MINDY3: variants seen among roughly 807,000 people sequenced by gnomAD.
The protein encoded by MINDY3 is MINDY lysine 48 deubiquitinase 3.
Under a neutral mutation model 69.2 loss-of-function variants are expected in MINDY3, and 38 were observed. The observed-to-expected ratio is 0.55, with a 90% CI of 0.42 to 0.72. The LOEUF (loss-of-function observed/expected upper bound fraction) is 0.72. Ranked by LOEUF, MINDY3 falls within the 30% of genes least tolerant of loss-of-function variation. MINDY3 has a pLI of 0.00. For missense variants in MINDY3, 522 were observed against 519.0 expected (o/e 1.01, Z -0.06); for synonymous variants, 192 against 180.1 (o/e 1.07, Z -0.53).
intron 2 of MINDY3, among the ~76,000 whole-genome samples, chr10:15,846,904 T>C (rs1833888130): frequency 6.6e-6 from 1 of 152,086 alleles, no homozygotes; most frequent in South Asian, 2.1e-4. Context: ...TTTGTATTTT[T>C]AGTAGAGACG....
intron 7 of MINDY3, 152 bp downstream of exon 7, chr10:15,834,391 A>G: frequency 2.2e-6 from 1 of 445,686 alleles, no homozygotes; most frequent in African/African-American, 2.0e-5. Context: ...CAAGCAAACA[A>G]TGCATAATAC....
At position 15,779,703 on chromosome 10, in the gene MINDY3, G is replaced by A. The variant is rs1588489283; in HGVS notation, c.1189-562C>T. Among the ~76,000 whole-genome samples the A allele has an allele frequency of 2.0e-5, 3 of 152,118 alleles. No individual in the cohort carries two copies. The East Asian group carries it at 5.8e-4, about 29-fold the overall frequency. On this transcript the variant is annotated intron_variant, in intron 14 of 14. Coordinates refer to ENST00000277632, the MANE Select transcript of MINDY3 (RefSeq NM_024948.4). ...TATTCCTGAAATGCAATTCATGAGT[G>A]CATTCTGTACAGCATGAAAAATCAT...
intron 8 of MINDY3, among the ~76,000 whole-genome samples, chr10:15,827,326 G>A (rs1030329219): frequency 1.3e-5 from 2 of 152,006 alleles, no homozygotes; most frequent in African/African-American, 4.8e-5. Flanking sequence ...CGGATCACCT[G>A]AGGTTGGGAG....
intron 14 of MINDY3, 113 bp downstream of exon 14, chr10:15,782,042 G>A (rs1001356045): frequency 6.4e-6 from 5 of 781,666 alleles, no homozygotes; most frequent in Non-Finnish European, 1.1e-5. Flanking sequence ...ATAGTAAAGA[G>A]ACTCCTGGAA....
chr10:15,837,115 C>A, intron 6 of MINDY3, 89 bp downstream of exon 6: 1 of 670,598 alleles, frequency 1.5e-6, no homozygotes, highest in Middle Eastern at 2.6e-4. Context: ...TTTAAAAACA[C>A]CATCAGGAAT....
intron 6 of MINDY3, 101 bp from the exon 7 acceptor site, chr10:15,834,717 T>A: frequency 1.4e-6 from 1 of 702,298 alleles, no homozygotes; most frequent in Non-Finnish European, 2.4e-6. Flanking sequence ...TACAATTATT[T>A]AAGTAACTTT....
intron 1 of MINDY3, among the ~76,000 whole-genome samples, chr10:15,855,335 C>G (rs1022679965): frequency 2.0e-5 from 3 of 152,066 alleles, no homozygotes; most frequent in Admixed American, 2.0e-4. Flanking sequence ...GTAGACTTCT[C>G]TTTTCATAAT....
At chr10:15,855,075 T>C (rs1207257786) in intron 1 of MINDY3, among the ~76,000 whole-genome samples, 1 of 152,136 alleles carries the variant, frequency 6.6e-6, no homozygotes, top group African/African-American at 2.4e-5. Context: ...ATTTAAATCA[T>C]GTAACTCAAT....
At chr10:15,785,476 G>C (rs1420845825) in intron 13 of MINDY3, among the ~76,000 whole-genome samples, 6 of 152,062 alleles carry the variant, frequency 3.9e-5, no homozygotes, top group African/African-American at 1.4e-4. Context: ...TCCGATAGCA[G>C]CCTTGAAATA....
At chr10:15,846,616 T>C (rs1296817351) in intron 2 of MINDY3, among the ~76,000 whole-genome samples, 1 of 152,210 alleles carries the variant, frequency 6.6e-6, no homozygotes, top group Non-Finnish European at 1.5e-5. Flanking sequence ...ACCATAATTT[T>C]TCTTCCTCTA....
intron 1 of MINDY3, among the ~76,000 whole-genome samples, chr10:15,853,804 T>G (rs1834488137): frequency 6.6e-6 from 1 of 151,948 alleles, no homozygotes. Context: ...TATTCAGACT[T>G]GAGTATCTGG....
At chr10:15,795,868 G>A (rs1837782169) in intron 11 of MINDY3, among the ~76,000 whole-genome samples, 1 of 151,878 alleles carries the variant, frequency 6.6e-6, no homozygotes, top group Non-Finnish European at 1.5e-5. Flanking sequence ...TTAATCAGAG[G>A]GGTCAACTAC....
At chr10:15,850,490 G>C (rs987060516) in intron 1 of MINDY3, among the ~76,000 whole-genome samples, 5 of 152,146 alleles carry the variant, frequency 3.3e-5, no homozygotes, top group Admixed American at 6.5e-5. Context: ...GCATTCTCAG[G>C]GGGGAGGTCT....
At chr10:15,781,741 G>A (rs1448347207) in intron 14 of MINDY3, among the ~76,000 whole-genome samples, 2 of 151,994 alleles carry the variant, frequency 1.3e-5, no homozygotes, top group African/African-American at 4.8e-5. Context: ...ATACAATTTC[G>A]GGTAAATGCT....
chr10:15,779,379 G>C (rs1022000463), intron 14 of MINDY3, among the ~76,000 whole-genome samples: 1 of 152,040 alleles, frequency 6.6e-6, no homozygotes, highest in Non-Finnish European at 1.5e-5. Context: ...AAAAATTCAA[G>C]ATCATGTGAA....
chr10:15,837,403 C>T, intron 5 of MINDY3, 85 bp from the exon 6 acceptor site: 1 of 1,233,944 alleles, frequency 8.1e-7, no homozygotes, highest in Non-Finnish European at 1.1e-6. Context: ...TTTTCTTATA[C>T]ATTAAAACAT....
intron 9 of MINDY3, among the ~76,000 whole-genome samples, chr10:15,819,963 C>T (rs1461514952): frequency 6.6e-6 from 1 of 152,102 alleles, no homozygotes; most frequent in East Asian, 1.9e-4. Flanking sequence ...GTGAATACGT[C>T]CATTCATTCA....
chr10:15,837,882 T>C (rs1275681102), intron 5 of MINDY3: 3 of 941,226 alleles, frequency 3.2e-6, no homozygotes, highest in Non-Finnish European at 1.3e-6. Context: ...AGAAAACAGA[T>C]ACTGGCAAAT....
In MINDY3 at chr10:15,846,131, T is replaced by C. The variant is rs371644829; in HGVS notation, c.174+1733A>G. On this transcript the variant is annotated intron_variant, in intron 2 of 14. Coordinates refer to ENST00000277632, the MANE Select transcript of MINDY3 (RefSeq NM_024948.4). ...AGCCACCACGCCTGGCCGTGATTCT[T>C]AAACTTAATTACTACCTCAAAGGTA... Among the ~76,000 whole-genome samples, 57 of 152,242 alleles carry C rather than the reference T, an allele frequency of 3.7e-4. No homozygotes were observed. The Middle Eastern group carries it at 0.01, about 27-fold the overall frequency.
Sources: allele counts gnomAD v4.1 joint callset (sites outside exome capture counted in the v4.1 genomes callset), GRCh38; gene constraint gnomAD v4.1.1; transcripts MANE v1.5; gene names NCBI Gene and HGNC (gene_info 2026-07-23, HGNC 2026-07-21).